ENTREP2: variants seen among roughly 807,000 people sequenced by gnomAD.
ENTREP2 encodes the protein protein ENTREP2.
chr15:29,342,763 C>A, the ENTREP2 span, among the ~76,000 whole-genome samples: 1 of 151,982 alleles, frequency 6.6e-6, no homozygotes, highest in Admixed American at 6.6e-5. Flanking sequence ...TGTGATTAGG[C>A]CATTTCTGTG....
chr15:29,490,829 G>C, the ENTREP2 span, among the ~76,000 whole-genome samples: 2 of 152,354 alleles, frequency 1.3e-5, no homozygotes, highest in Non-Finnish European at 2.9e-5. Context: ...TCCCGTGCCA[G>C]GGCCGAAGGG....
At chr15:29,203,305 G>A in the ENTREP2 span, among the ~76,000 whole-genome samples, 2 of 152,194 alleles carry the variant, frequency 1.3e-5, no homozygotes, top group Non-Finnish European at 2.9e-5. Flanking sequence ...GGGAGGCTGA[G>A]GCAGGAGAAT....
At chr15:29,475,381 T>TA in the ENTREP2 span, among the ~76,000 whole-genome samples, 2 of 152,036 alleles carry the variant, frequency 1.3e-5, no homozygotes, top group Admixed American at 6.5e-5. Context: ...ACAGCCCCAT[T>TA]AAAAAATGCT....
chr15:29,234,702 C>T, the ENTREP2 span: 9 of 1,541,160 alleles, frequency 5.8e-6, no homozygotes, highest in Non-Finnish European at 7.2e-6. Context: ...GTCATAATCT[C>T]ATAAGTAGTT....
At chr15:29,334,684 T>C in the ENTREP2 span, among the ~76,000 whole-genome samples, 1 of 152,216 alleles carries the variant, frequency 6.6e-6, no homozygotes, top group South Asian at 2.1e-4. Flanking sequence ...GTCTAATTCC[T>C]AGCCTCTCGC....
the ENTREP2 span, among the ~76,000 whole-genome samples, chr15:29,194,073 T>C: frequency 2.0e-5 from 3 of 152,236 alleles, no homozygotes; most frequent in Admixed American, 6.5e-5. Flanking sequence ...CAATCTCAAT[T>C]AAAATCCCAG....
chr15:29,247,035 G>C, the ENTREP2 span, among the ~76,000 whole-genome samples: 1 of 151,442 alleles, frequency 6.6e-6, no homozygotes, highest in Non-Finnish European at 1.5e-5. Context: ...GTAGCAGGAA[G>C]GGGAGGTGCT....
the ENTREP2 span, among the ~76,000 whole-genome samples, chr15:29,165,177 G>A: frequency 6.6e-6 from 1 of 152,166 alleles, no homozygotes; most frequent in African/African-American, 2.4e-5. Flanking sequence ...CAGAGGTGGT[G>A]CCAAGAGGAA....
the ENTREP2 span, among the ~76,000 whole-genome samples, chr15:29,236,494 A>C: frequency 4.5e-4 from 68 of 152,122 alleles, 1 homozygote; most frequent in African/African-American, 1.6e-3. Context: ...AACATAAAAA[A>C]AAAAAGTAGC....
chr15:29,266,524 T>C, the ENTREP2 span: 1 of 152,234 alleles, frequency 6.6e-6, no homozygotes, highest in Non-Finnish European at 1.5e-5. Flanking sequence ...CATTAAGGAA[T>C]GGATAGTTAT....
At chr15:29,635,935 G>T in the ENTREP2 span, among the ~76,000 whole-genome samples, 139 of 152,292 alleles carry the variant, frequency 9.1e-4, 1 homozygote, top group Middle Eastern at 3.4e-3. Context: ...AGGTAAGGCT[G>T]CTCTGGAAGA....
At chr15:29,427,832 T>C in the ENTREP2 span, among the ~76,000 whole-genome samples, 1 of 152,144 alleles carries the variant, frequency 6.6e-6, no homozygotes, top group African/African-American at 2.4e-5. Flanking sequence ...AGTCTCCCTA[T>C]ACACCCAGAA....
chr15:29,586,289 T>C, the ENTREP2 span, among the ~76,000 whole-genome samples: 1 of 152,092 alleles, frequency 6.6e-6, no homozygotes, highest in Non-Finnish European at 1.5e-5. Context: ...AATAGATTAA[T>C]GGCTGTCAGG....
At chr15:29,267,969 G>A in the ENTREP2 span, 1 of 152,098 alleles carries the variant, frequency 6.6e-6, no homozygotes, top group Non-Finnish European at 1.5e-5. Context: ...TGTTTTATAA[G>A]CCTTTTTGAG....
chr15:29,302,724 A>C, the ENTREP2 span, among the ~76,000 whole-genome samples: 3 of 152,308 alleles, frequency 2.0e-5, no homozygotes, highest in Admixed American at 2.0e-4. Flanking sequence ...TCCCGCAAGA[A>C]AGAAGAACGG....
chr15:29,353,493 CTA>C, the ENTREP2 span, among the ~76,000 whole-genome samples: 9 of 152,152 alleles, frequency 5.9e-5, no homozygotes, highest in African/African-American at 1.9e-4. Context: ...GCGTATGAAT[CTA>C]TGTCTATGGG....
chr15:29,581,732 G>A, the ENTREP2 span, among the ~76,000 whole-genome samples: 2 of 151,644 alleles, frequency 1.3e-5, no homozygotes, highest in Non-Finnish European at 2.9e-5. Flanking sequence ...AAAGACATAT[G>A]TACATTTATT....
At chr15:29,535,512 T>C in the ENTREP2 span, among the ~76,000 whole-genome samples, 1 of 151,966 alleles carries the variant, frequency 6.6e-6, no homozygotes, top group African/African-American at 2.4e-5. Context: ...TGAGACCCTG[T>C]CTCTACAAAG....
At chr15:29,220,519 G>A in the ENTREP2 span, among the ~76,000 whole-genome samples, 22 of 152,304 alleles carry the variant, frequency 1.4e-4, no homozygotes, top group African/African-American at 4.8e-4. Context: ...ATGCACTCAT[G>A]TGGCTGAGGA....
Sources: gnomAD v4.1 joint callset for allele counts (sites outside exome capture counted in the v4.1 genomes callset) on GRCh38, gnomAD v4.1.1 for gene constraint, MANE v1.5 for transcripts, NCBI Gene and HGNC (gene_info 2026-07-23, HGNC 2026-07-21) for gene names.